Variants in CNTN6 observed in about 807,000 individuals in gnomAD.
CNTN6 encodes the protein contactin 6, also known as contactin-6.
Under a neutral mutation model 122.8 loss-of-function variants are expected in CNTN6, and 137 were observed. The ratio of observed to expected loss-of-function variants is 1.12; its 90% CI spans 0.97 to 1.29. The LOEUF is 1.29. Among genes scored for constraint, CNTN6 ranks in the 50% most tolerant of loss-of-function variants. The pLI is 0.00. For missense variants in CNTN6, 1,634 were observed against 1,223.4 expected, an observed-to-expected ratio of 1.34 and a Z score of -5.01; for synonymous variants, 570 against 426.0, an observed-to-expected ratio of 1.34 and a Z score of -4.16.
intron 2 of CNTN6, among the ~76,000 whole-genome samples, chr3:1,194,988 T>A (rs1234383264): frequency 6.6e-6 from 1 of 152,136 alleles, no homozygotes; most frequent in Non-Finnish European, 1.5e-5. Flanking sequence ...AGCATCCTTT[T>A]CATATGCCTT....
intron 4 of CNTN6, among the ~76,000 whole-genome samples, chr3:1,274,967 C>T (rs1013952109): frequency 4.6e-5 from 7 of 151,888 alleles, no homozygotes; most frequent in Admixed American, 4.6e-4. Context: ...ACGCCCCCAC[C>T]CAAATCAGTT....
intron 4 of CNTN6, among the ~76,000 whole-genome samples, chr3:1,268,447 AAT>A: frequency 6.6e-6 from 1 of 151,968 alleles, no homozygotes; most frequent in East Asian, 1.9e-4. Context: ...CTCTACTAAA[AAT>A]ATAAAAAATT....
chr3:1,226,923 C>G lies in CNTN6; in HGVS notation c.183-895C>G, dbSNP rs150976021. 1.4e-3 allele frequency among the ~76,000 whole-genome samples: 208 copies of G among 152,214 alleles called. 2 individuals carry two copies. The highest frequency in any genetic ancestry group is 4.9e-3 in the African/African-American group (203 of 41,528). ...AAATGGTCTATGTGACTATACACAG[C>G]CTGTGCCCTAGGAATGTATCTCATT... On this transcript the variant is annotated intron_variant, in intron 3 of 22. Coordinates refer to ENST00000446702, the MANE Select transcript of CNTN6 (RefSeq NM_001289080.2).
chr3:1,130,905 A>T (rs552567002), intron 1 of CNTN6, among the ~76,000 whole-genome samples: 16 of 152,288 alleles, frequency 1.1e-4, no homozygotes, highest in African/African-American at 3.1e-4. Context: ...CATCATTTAT[A>T]AATTAAGATG....
At chr3:1,390,976 C>T (rs1694054637) in intron 20 of CNTN6, among the ~76,000 whole-genome samples, 1 of 144,316 alleles carries the variant, frequency 6.9e-6, no homozygotes, top group South Asian at 2.3e-4. Context: ...ACCAGAGGTA[C>T]AAGGAGGAAC....
At chr3:1,099,804 T>G (rs190834442) in intron 1 of CNTN6, among the ~76,000 whole-genome samples, 1 of 152,334 alleles carries the variant, frequency 6.6e-6, no homozygotes, top group Non-Finnish European at 1.5e-5. Context: ...AAGTGTTTTT[T>G]AGTAAACAGT....
chr3:1,185,324 ATT>A (rs2093613340), intron 2 of CNTN6, among the ~76,000 whole-genome samples: 1 of 151,990 alleles, frequency 6.6e-6, no homozygotes, highest in South Asian at 2.1e-4. Context: ...CCACAGTGAA[ATT>A]GTTTATTTAA....
chr3:1,321,683 C>T lies in CNTN6; in HGVS notation c.795C>T (p.Asp265=), dbSNP rs758805504. Residue 265 remains aspartate (D), a synonymous_variant, in exon 8 of 23, where the codon GAC becomes GAT. Transcript: ENST00000446702. The part of the protein sequence containing the change: ...PVPDISWRRL[D]GSPLPGKVKY... ...CCGATATTAGTTGGAGAAGGTTGGA[C>T]GGGAGCCCGTTGCCAGGGAAAGTCA... 14 of 1,611,342 alleles carry T rather than the reference C, an allele frequency of 8.7e-6. No homozygotes were observed. Among genetic ancestry groups the T allele is most frequent in the East Asian group, 4.5e-5 (2 of 44,776 alleles).
intron 1 of CNTN6, among the ~76,000 whole-genome samples, chr3:1,144,731 C>G (rs2092688599): frequency 6.6e-6 from 1 of 150,898 alleles, no homozygotes; most frequent in Non-Finnish European, 1.5e-5. Context: ...TTTCATGATT[C>G]TACGGTACTG....
intron 20 of CNTN6, among the ~76,000 whole-genome samples, chr3:1,398,848 G>A (rs1428273036): frequency 6.6e-6 from 1 of 152,004 alleles, no homozygotes; most frequent in Non-Finnish European, 1.5e-5. Context: ...TGTATAATTG[G>A]CTATTCATAC....
chr3:1,389,498 C>T (rs1041416593), intron 20 of CNTN6, among the ~76,000 whole-genome samples: 1 of 152,162 alleles, frequency 6.6e-6, no homozygotes, highest in Non-Finnish European at 1.5e-5. Flanking sequence ...GAAGAAACTG[C>T]ATCAACTAAC....
chr3:1,181,249 G>T (rs1160074285), intron 2 of CNTN6, among the ~76,000 whole-genome samples: 1 of 152,046 alleles, frequency 6.6e-6, no homozygotes, highest in Non-Finnish European at 1.5e-5. Flanking sequence ...CTCTAGAGAT[G>T]CACAATGAAT....
intron 1 of CNTN6, among the ~76,000 whole-genome samples, chr3:1,098,046 C>G (rs577911826): frequency 1.0e-4 from 15 of 149,068 alleles, no homozygotes; most frequent in Middle Eastern, 7.2e-3. Flanking sequence ...AATGGTATTT[C>G]TGTATACACC....
intron 2 of CNTN6, among the ~76,000 whole-genome samples, chr3:1,185,812 A>G (rs6764321): frequency 0.18 from 26,807 of 152,134 alleles, 3,034 homozygotes; most frequent in East Asian, 0.51. Context: ...ATTAGTAATA[A>G]CAACTTGTGA....
chr3:1,316,009 G>T (rs1452310145), intron 7 of CNTN6, among the ~76,000 whole-genome samples: 1 of 151,882 alleles, frequency 6.6e-6, no homozygotes, highest in Non-Finnish European at 1.5e-5. Context: ...TGTGAATTAG[G>T]ATTCCTGGTT....
intron 11 of CNTN6, among the ~76,000 whole-genome samples, chr3:1,348,600 A>G (rs908577981): frequency 6.6e-6 from 1 of 152,050 alleles, no homozygotes; most frequent in African/African-American, 2.4e-5. Flanking sequence ...ATACACACAT[A>G]TGTACATGCA....
At chr3:1,193,763 T>C (rs1299328014) in intron 2 of CNTN6, among the ~76,000 whole-genome samples, 1 of 152,152 alleles carries the variant, frequency 6.6e-6, no homozygotes, top group Non-Finnish European at 1.5e-5. Context: ...TGCAGTCCAC[T>C]CTGTGAACAT....
At chr3:1,135,819 G>C (rs13061007) in intron 1 of CNTN6, among the ~76,000 whole-genome samples, 29,826 of 151,932 alleles carry the variant, frequency 0.2, 3,875 homozygotes, top group African/African-American at 0.37. Flanking sequence ...ACAGTGAAAC[G>C]AGTCTCTACT....
chr3:1,131,277 A>G (rs1285281471), intron 1 of CNTN6, among the ~76,000 whole-genome samples: 1 of 152,080 alleles, frequency 6.6e-6, no homozygotes, highest in Non-Finnish European at 1.5e-5. Context: ...GTCACATAAA[A>G]TCATGTCTTA....
Sources: gnomAD v4.1 joint callset for allele counts (sites outside exome capture counted in the v4.1 genomes callset) on GRCh38, gnomAD v4.1.1 for gene constraint, MANE v1.5 for transcripts, NCBI Gene and HGNC (gene_info 2026-07-23, HGNC 2026-07-21) for gene names.